TCF7L2: variants seen among roughly 807,000 people sequenced by gnomAD.
TCF7L2 encodes the protein transcription factor 7 like 2, also known as transcription factor 7-like 2.
Under a neutral mutation model 77.9 loss-of-function variants are expected in TCF7L2, and 23 were observed. The ratio of observed to expected loss-of-function variants is 0.30; its 90% CI spans 0.21 to 0.42. The LOEUF (loss-of-function observed/expected upper bound fraction) is 0.42. Ranked by LOEUF, TCF7L2 falls within the 10% of genes least tolerant of loss-of-function variation. The pLI, the probability that TCF7L2 is intolerant of heterozygous loss-of-function variation, is 1.00. For missense variants in TCF7L2, 654 were observed against 793.1 expected (o/e 0.82, Z 2.11); for synonymous variants, 413 against 340.2 (o/e 1.21, Z -2.36).
At chr10:113,029,518 A>G (rs148633153) in intron 4 of TCF7L2, among the ~76,000 whole-genome samples, 6 of 138,732 alleles carry the variant, frequency 4.3e-5, no homozygotes, top group African/African-American at 1.6e-4. Flanking sequence ...TCTTCTCTCC[A>G]TTCCTCTTTT....
intron 5 of TCF7L2, among the ~76,000 whole-genome samples, chr10:113,074,282 C>T (rs2058455220): frequency 1.3e-5 from 2 of 151,982 alleles, no homozygotes; most frequent in Non-Finnish European, 2.9e-5. Flanking sequence ...CATTGTTTTG[C>T]CAGTTTGCTA....
At chr10:113,101,858 G>A (rs866137259) in intron 5 of TCF7L2, among the ~76,000 whole-genome samples, 108 of 38,844 alleles carry the variant, frequency 2.8e-3, no homozygotes, top group African/African-American at 0.01. Context: ...AAAAAAAAAA[G>A]AGAGGTGTGG....
At chr10:112,958,211 C>T (rs907883148) in intron 3 of TCF7L2, among the ~76,000 whole-genome samples, 2 of 152,090 alleles carry the variant, frequency 1.3e-5, no homozygotes, top group African/African-American at 2.4e-5. Context: ...ATATTTTATT[C>T]TTTTTGTCAT....
At chr10:113,097,283 CA>C (rs1471764253) in intron 5 of TCF7L2, among the ~76,000 whole-genome samples, 2 of 152,112 alleles carry the variant, frequency 1.3e-5, no homozygotes, top group East Asian at 3.9e-4. Context: ...TGTAACCAAC[CA>C]GGGGGAAGTC....
intron 4 of TCF7L2, among the ~76,000 whole-genome samples, chr10:112,993,307 G>A (rs2042913272): frequency 6.6e-6 from 1 of 151,692 alleles, no homozygotes; most frequent in South Asian, 2.1e-4. Flanking sequence ...ATCACTTGAG[G>A]TCAGCCTGGC....
chr10:113,066,365 C>CA (rs34941771), intron 5 of TCF7L2, among the ~76,000 whole-genome samples: 2,511 of 117,928 alleles, frequency 0.021, 55 homozygotes, highest in African/African-American at 0.06. Context: ...AAGTCCGTCT[C>CA]AAAAAAAAAA....
At chr10:112,962,034 G>C (rs1303995441) in intron 3 of TCF7L2, among the ~76,000 whole-genome samples, 3 of 152,156 alleles carry the variant, frequency 2.0e-5, no homozygotes, top group African/African-American at 7.2e-5. Flanking sequence ...AGGATTGTTG[G>C]TGTTATTTGG....
chr10:113,028,431 T>TG (rs67832625), intron 4 of TCF7L2, among the ~76,000 whole-genome samples: 17,552 of 152,206 alleles, frequency 0.12, 1,374 homozygotes, highest in Non-Finnish European at 0.17. Context: ...TTGGGCTTCC[T>TG]GGGTGTAGCG....
At chr10:113,103,855 A>G (rs2061953635) in intron 5 of TCF7L2, among the ~76,000 whole-genome samples, 1 of 152,126 alleles carries the variant, frequency 6.6e-6, no homozygotes, top group South Asian at 2.1e-4. Flanking sequence ...GACAGTTTCC[A>G]TTATATGGAC....
chr10:113,119,682 A>T (rs7069217), intron 5 of TCF7L2, among the ~76,000 whole-genome samples: 10,616 of 138,078 alleles, frequency 0.077, 1,302 homozygotes, highest in African/African-American at 0.27. Flanking sequence ...TTTTTTTTTT[A>T]AAAAAACTTA....
intron 5 of TCF7L2, among the ~76,000 whole-genome samples, chr10:113,062,144 A>C (rs1408821179): frequency 6.6e-6 from 1 of 152,190 alleles, no homozygotes; most frequent in African/African-American, 2.4e-5. Context: ...GGAAGAAATG[A>C]GTTTCATGAA....
chr10:112,998,614 G>A (rs1221028703), intron 4 of TCF7L2, among the ~76,000 whole-genome samples: 2 of 152,136 alleles, frequency 1.3e-5, no homozygotes, highest in African/African-American at 4.8e-5. Context: ...TGCCGTATGA[G>A]GCACCCTTAG....
At chr10:113,099,188 GA>G (rs2061368609) in intron 5 of TCF7L2, among the ~76,000 whole-genome samples, 1 of 149,972 alleles carries the variant, frequency 6.7e-6, no homozygotes, top group African/African-American at 2.4e-5. Context: ...AGTGGCCAAA[GA>G]AAAAAATAGC....
chr10:113,072,252 T>G (rs1419291085), intron 5 of TCF7L2, among the ~76,000 whole-genome samples: 5 of 151,996 alleles, frequency 3.3e-5, no homozygotes, highest in Admixed American at 6.6e-5. Context: ...AGACGGGGTT[T>G]CACCGTGTTA....
At chr10:113,064,751 C>T (rs1266647369) in intron 5 of TCF7L2, among the ~76,000 whole-genome samples, 1 of 152,192 alleles carries the variant, frequency 6.6e-6, no homozygotes, top group African/African-American at 2.4e-5. Context: ...AGCCGGGTTT[C>T]TTTTTCTCCA....
At position 113,090,561 on chromosome 10, in the gene TCF7L2, A is replaced by G. The variant is rs113007225; in HGVS notation, c.552+50435A>G. ...GCCACATAAGACAACTAGAAACTGT[A>G]AAAATACATAAAGAAAATGTAAATA... On this transcript the variant is annotated intron_variant, in intron 5 of 13. Transcript: ENST00000627217. Among the ~76,000 whole-genome samples, 1,336 of 152,334 alleles carry G rather than the reference A, an allele frequency of 8.8e-3. 21 individuals are homozygous for G. Among genetic ancestry groups the G allele is most frequent in the African/African-American group, 0.031 (1,273 of 41,590 alleles).
chr10:113,051,835 A>G (rs1165935424), intron 5 of TCF7L2, among the ~76,000 whole-genome samples: 1 of 152,086 alleles, frequency 6.6e-6, no homozygotes, highest in Non-Finnish European at 1.5e-5. Context: ...TTTGCCCTAA[A>G]TCTCTCTTAT....
At chr10:113,033,594 C>G (rs2050628167) in intron 4 of TCF7L2, among the ~76,000 whole-genome samples, 2 of 152,130 alleles carry the variant, frequency 1.3e-5, no homozygotes, top group Admixed American at 1.3e-4. Flanking sequence ...CAGAGTCTAC[C>G]CAACCTTCTG....
At chr10:113,026,414 C>T (rs1255763380) in intron 4 of TCF7L2, among the ~76,000 whole-genome samples, 1 of 152,058 alleles carries the variant, frequency 6.6e-6, no homozygotes, top group Non-Finnish European at 1.5e-5. Context: ...CTGCCTCGGC[C>T]TCCCAAAGTG....
Sources: allele counts gnomAD v4.1 joint callset (sites outside exome capture counted in the v4.1 genomes callset), GRCh38; gene constraint gnomAD v4.1.1; transcripts MANE v1.5; gene names NCBI Gene and HGNC (gene_info 2026-07-23, HGNC 2026-07-21).